The following NRIP1 variants were observed in gnomAD, a reference collection of about 807,000 sequenced individuals.
NRIP1 encodes nuclear receptor-interacting protein 1.
Under a neutral mutation model 75.0 loss-of-function variants are expected in NRIP1, and 28 were observed. The observed-to-expected ratio is 0.37, with a 90% CI of 0.28 to 0.51. NRIP1 has a LOEUF of 0.51. NRIP1 is among the 20% of genes least tolerant of loss of function. The pLI is 0.92. For missense variants in NRIP1, 1,435 were observed against 1,343.7 expected (o/e 1.07, Z -1.06); for synonymous variants, 526 against 487.6 (o/e 1.08, Z -1.04).
At position 14,966,087 on chromosome 21, in the gene NRIP1, T is replaced by C. The variant is rs143230740; in HGVS notation, c.2106A>G (p.Glu702=). The C allele has an allele frequency of 3.7e-6, 6 of 1,612,212 alleles. No individual in the cohort carries two copies. Among genetic ancestry groups the C allele is most frequent in the Admixed American group, 1.7e-5 (1 of 59,944 alleles). The part of the protein sequence containing the change: ...TGPEPGLSGS[E]IENLLERRTV... The stretch of plus-strand genomic sequence containing the variant: ...TACGTCTTTCAAGCAGATTTTCTAT[T>C]TCAGAACCAGAAAGCCCTGGTTCAG... The change falls in exon 4 of 4, where the codon GAA becomes GAG. Residue 702 remains glutamate (E), a synonymous_variant. Transcript: ENST00000318948.
rs2086612850 is a variant in NRIP1, at chr21:14,962,273, G to A, written c.*2443C>T. The stretch of plus-strand genomic sequence containing the variant: ...CTGTGGATGTATGCCCTTTCTCACT[G>A]TTCTTTAAAATCACCCTAAATTCAA... On this transcript the variant is annotated 3_prime_UTR_variant, in exon 4 of 4. Transcript: ENST00000318948. The A allele has an allele frequency of 6.6e-6, 1 of 151,800 alleles. No individual in the cohort carries two copies. Among genetic ancestry groups the A allele is most frequent in the South Asian group, 2.1e-4 (1 of 4,822 alleles). 9.4% of individuals were successfully genotyped at this position (151,800 alleles called of 1,614,324 possible).
chr21:15,053,066 T>TCA (rs913698702), intron 1 of NRIP1, among the ~76,000 whole-genome samples: 2 of 152,216 alleles, frequency 1.3e-5, no homozygotes, highest in Non-Finnish European at 2.9e-5. Context: ...ACAAATATTG[T>TCA]CAGCTTTTGC....
At chr21:15,054,386 T>C (rs1248931221) in intron 1 of NRIP1, among the ~76,000 whole-genome samples, 1 of 144,658 alleles carries the variant, frequency 6.9e-6, no homozygotes, top group African/African-American at 2.7e-5. Flanking sequence ...ACAAAAAAAA[T>C]GTTGCCCCCA....
chr21:15,063,504 T>C (rs756865766), intron 1 of NRIP1, among the ~76,000 whole-genome samples: 25 of 152,260 alleles, frequency 1.6e-4, no homozygotes, highest in Non-Finnish European at 2.9e-4. Flanking sequence ...GCAGGTTCAA[T>C]GCAATTCATA....
At chr21:15,000,310 G>A (rs1042492463) in intron 3 of NRIP1, among the ~76,000 whole-genome samples, 6 of 152,284 alleles carry the variant, frequency 3.9e-5, no homozygotes, top group East Asian at 1.9e-4. Context: ...CGGGGTGGGT[G>A]AGAGGGGAAG....
intron 1 of NRIP1, among the ~76,000 whole-genome samples, chr21:15,055,558 G>A (rs762181642): frequency 6.6e-6 from 1 of 152,106 alleles, no homozygotes; most frequent in Non-Finnish European, 1.5e-5. Flanking sequence ...GCCAATTCTC[G>A]TTTCATGTCT....
chr21:15,054,456 C>A (rs997101185), intron 1 of NRIP1, among the ~76,000 whole-genome samples: 1 of 152,018 alleles, frequency 6.6e-6, no homozygotes, highest in African/African-American at 2.4e-5. Context: ...TGTAATATTA[C>A]AAAACAAATT....
intron 3 of NRIP1, among the ~76,000 whole-genome samples, chr21:14,981,052 G>C (rs916482970): frequency 6.6e-6 from 1 of 152,172 alleles, no homozygotes; most frequent in Non-Finnish European, 1.5e-5. Context: ...TGAGCACCCA[G>C]ACATGGTGGT....
At chr21:15,064,149 C>A (rs1978613668) in intron 1 of NRIP1, among the ~76,000 whole-genome samples, 1 of 152,254 alleles carries the variant, frequency 6.6e-6, no homozygotes, top group African/African-American at 2.4e-5. Flanking sequence ...CGGCCCCTGG[C>A]TCCTGGTAAA....
At chr21:15,065,623 G>C (rs1040331695), upstream of NRIP1, 12 of 152,266 alleles carry the variant, frequency 7.9e-5, no homozygotes, top group Non-Finnish European at 1.2e-4. Context: ...ATGTTGGGGG[G>C]CACGGGCGCG....
intron 1 of NRIP1, among the ~76,000 whole-genome samples, chr21:15,045,723 T>C (rs1215052509): frequency 6.6e-6 from 1 of 152,254 alleles, no homozygotes. Context: ...CACAGTAGAA[T>C]ATCTTTCTAG....
intron 2 of NRIP1, among the ~76,000 whole-genome samples, chr21:15,036,321 C>A (rs62220727): frequency 0.04 from 6,143 of 152,252 alleles, 179 homozygotes; most frequent in Non-Finnish European, 0.058. Context: ...TATTTTGTTA[C>A]AGTAAAGAAG....
chr21:15,029,452 C>T (rs1229855688), intron 2 of NRIP1, among the ~76,000 whole-genome samples: 1 of 152,150 alleles, frequency 6.6e-6, no homozygotes, highest in African/African-American at 2.4e-5. Flanking sequence ...CTCCCCTGCC[C>T]CTGCCCTCAA....
chr21:14,972,440 G>A (rs1363694363), intron 3 of NRIP1, among the ~76,000 whole-genome samples: 3 of 152,114 alleles, frequency 2.0e-5, no homozygotes, highest in East Asian at 1.9e-4. Flanking sequence ...ATAAATAGAC[G>A]TTTTAAGGTT....
intron 3 of NRIP1, among the ~76,000 whole-genome samples, chr21:15,011,301 T>C (rs997923519): frequency 2.0e-5 from 3 of 152,148 alleles, no homozygotes; most frequent in Non-Finnish European, 4.4e-5. Context: ...GCCATTCTCC[T>C]GCCTCAGCCT....
intron 2 of NRIP1, among the ~76,000 whole-genome samples, chr21:15,016,495 T>C (rs996615168): frequency 6.6e-6 from 1 of 152,206 alleles, no homozygotes; most frequent in African/African-American, 2.4e-5. Flanking sequence ...TCCAGTAGAA[T>C]TTAACTGTTC....
intron 3 of NRIP1, among the ~76,000 whole-genome samples, chr21:15,003,616 G>C (rs963040630): frequency 6.6e-6 from 1 of 152,140 alleles, no homozygotes; most frequent in South Asian, 2.1e-4. Flanking sequence ...CAGCAAGGTC[G>C]AACGGGTCAG....
chr21:15,061,225 G>C (rs61017534), intron 1 of NRIP1, among the ~76,000 whole-genome samples: 1,687 of 152,226 alleles, frequency 0.011, 29 homozygotes, highest in African/African-American at 0.038. Context: ...GGGTATACAG[G>C]ACTTTGCTAG....
At position 14,977,170 on chromosome 21, in the gene NRIP1, C is replaced by A. The variant is rs1398367093; in HGVS notation, c.-334-8644G>T. Among the ~76,000 whole-genome samples, 3 of 151,926 alleles carry A rather than the reference C, an allele frequency of 2.0e-5. No individual in the cohort carries two copies. The South Asian group carries it at 6.2e-4, about 32-fold the overall frequency. The stretch of plus-strand genomic sequence containing the variant: ...GGATAATTTCAGGGGTATTTTTATA[C>A]AAATGGTAAGAAAAACATTAATATG... On this transcript the variant is annotated intron_variant, in intron 3 of 3. Coordinates refer to ENST00000318948, the MANE Select transcript of NRIP1 (RefSeq NM_003489.4).
Sources: allele counts gnomAD v4.1 joint callset (sites outside exome capture counted in the v4.1 genomes callset), GRCh38; gene constraint gnomAD v4.1.1; transcripts MANE v1.5; gene names NCBI Gene and HGNC (gene_info 2026-07-23, HGNC 2026-07-21).